EPHA5: variants seen among roughly 807,000 people sequenced by gnomAD.
The protein encoded by EPHA5 is ephrin type-A receptor 5.
EPHA5 carries 60 observed loss-of-function variants against 105.0 expected under a neutral mutation model. The observed-to-expected ratio is 0.57, with a 90% CI of 0.46 to 0.71. The LOEUF is 0.71. Ranked by LOEUF, EPHA5 falls within the 30% of genes least tolerant of loss-of-function variation. EPHA5 has a pLI of 0.00. For synonymous variants in EPHA5, 513 were observed against 449.1 expected, an observed-to-expected ratio of 1.14 and a Z score of -1.80; for missense variants, 1,218 against 1,274.7, an observed-to-expected ratio of 0.96 and a Z score of 0.68.
At chr4:65,491,778 C>T (rs1731425934) in intron 4 of EPHA5, among the ~76,000 whole-genome samples, 1 of 151,824 alleles carries the variant, frequency 6.6e-6, no homozygotes, top group Admixed American at 6.6e-5. Flanking sequence ...TTAAGGGTAA[C>T]CATATCTTAT....
chr4:65,380,175 G>A (rs1011944304), intron 8 of EPHA5, among the ~76,000 whole-genome samples: 4 of 151,740 alleles, frequency 2.6e-5, no homozygotes, highest in Admixed American at 1.3e-4. Context: ...TCAGTGTTTA[G>A]TACCTAGAAC....
chr4:65,327,080 T>C (rs1402701744), intron 16 of EPHA5, among the ~76,000 whole-genome samples: 7 of 151,198 alleles, frequency 4.6e-5, no homozygotes, highest in Non-Finnish European at 1.0e-4. Context: ...CTTCTAGATA[T>C]GACTTGAGAA....
Position 65,414,802 on chromosome 4 carries a change from C to T in EPHA5, c.1528-359G>A, listed in dbSNP as rs564884650. 2.6e-5 allele frequency among the ~76,000 whole-genome samples: 4 copies of T among 152,128 alleles called. No individual in the cohort carries two copies. In the East Asian group the frequency reaches 7.7e-4, roughly 29 times the overall value. On this transcript the variant is annotated intron_variant, in intron 6 of 16. Coordinates refer to ENST00000613740, the MANE Select transcript of EPHA5 (RefSeq NM_001281766.3). The stretch of plus-strand genomic sequence containing the variant: ...TTTTTTTCCCTCCAATATAGTTAAT[C>T]GGAGCATGTCTAACATACTGCCTAT...
intron 8 of EPHA5, among the ~76,000 whole-genome samples, chr4:65,397,803 G>A (rs1377398537): frequency 6.6e-6 from 1 of 152,058 alleles, no homozygotes; most frequent in Non-Finnish European, 1.5e-5. Flanking sequence ...AGATCTGACT[G>A]CTGTTTTCCC....
At chr4:65,463,357 G>C (rs546184814) in intron 5 of EPHA5, among the ~76,000 whole-genome samples, 5 of 152,134 alleles carry the variant, frequency 3.3e-5, no homozygotes, top group Non-Finnish European at 5.9e-5. Flanking sequence ...TATGATATCA[G>C]TGAAGTAAAT....
intron 3 of EPHA5, among the ~76,000 whole-genome samples, chr4:65,550,242 C>A (rs980476562): frequency 2.0e-5 from 3 of 151,942 alleles, no homozygotes; most frequent in African/African-American, 7.2e-5. Context: ...GCTACTAATT[C>A]TTTAAAACTG....
At chr4:65,552,701 A>T (rs1738035322) in intron 3 of EPHA5, among the ~76,000 whole-genome samples, 2 of 152,146 alleles carry the variant, frequency 1.3e-5, no homozygotes, top group Admixed American at 1.3e-4. Context: ...ATTATTTAAG[A>T]TTCTTTAAAA....
At chr4:65,408,945 T>A (rs1722641178) in intron 7 of EPHA5, among the ~76,000 whole-genome samples, 1 of 151,678 alleles carries the variant, frequency 6.6e-6, no homozygotes. Flanking sequence ...AACCCAAATG[T>A]CCAACAATGA....
At chr4:65,654,992 G>T (rs1748933229) in intron 1 of EPHA5, among the ~76,000 whole-genome samples, 1 of 149,754 alleles carries the variant, frequency 6.7e-6, no homozygotes, top group Non-Finnish European at 1.5e-5. Context: ...TCAAATCAGT[G>T]GTTATGTCAT....
chr4:65,334,585 C>G (rs1184807734), intron 15 of EPHA5, among the ~76,000 whole-genome samples: 1 of 151,850 alleles, frequency 6.6e-6, no homozygotes, highest in Non-Finnish European at 1.5e-5. Context: ...GACAATGGAC[C>G]AGGAACTAAC....
rs1455722747 is a variant in EPHA5 at position 65,601,981 on chromosome 4, G to A, written c.570C>T (p.Asp190=). 1 of 1,614,100 alleles carries A rather than the reference G, an allele frequency of 6.2e-7. No individual in the cohort carries two copies. Among genetic ancestry groups the A allele is most frequent in the South Asian group, 1.1e-5 (1 of 91,080 alleles). ...DESFTELDLG[D]RVMKLNTEVR... Reference sequence around the variant, plus strand: ...CCTCTGTATTCAGTTTCATAACACGGTCACCAAGATCAAGTTCTGTAAAGC... The same window carrying A: ...CCTCTGTATTCAGTTTCATAACACGATCACCAAGATCAAGTTCTGTAAAGC... Residue 190 remains aspartate (D), a synonymous_variant, in exon 3 of 17, where the codon GAC becomes GAT. Transcript: ENST00000613740.
At chr4:65,660,156 AT>A (rs1434194579) in intron 1 of EPHA5, among the ~76,000 whole-genome samples, 6 of 152,094 alleles carry the variant, frequency 3.9e-5, no homozygotes, top group African/African-American at 1.4e-4. Context: ...ATTTCTTGAT[AT>A]GATTTGTGGC....
Position 65,601,919 on chromosome 4 carries a change from T to C in EPHA5, c.632A>G (p.Tyr211Cys). ...AGCACCAACATCTTGAAAAGCAAGA[T>C]AAAATCCCTTTTTGCTTAGAGGTCC... The part of the protein sequence containing the change: ...DVGPLSKKGF[Y>C]LAFQDVGACI... The change falls in exon 3 of 17, where the codon TAT becomes TGT. Residue 211 changes from tyrosine (Y) to cysteine (C), a missense_variant. Tyr to Cys is a radical substitution (Grantham distance 194). Transcript: ENST00000613740. 1 of 1,614,078 alleles carries C rather than the reference T, an allele frequency of 6.2e-7. No individual in the cohort carries two copies.
chr4:65,543,471 C>A (rs1737048745), intron 3 of EPHA5, among the ~76,000 whole-genome samples: 1 of 151,954 alleles, frequency 6.6e-6, no homozygotes, highest in Non-Finnish European at 1.5e-5. Context: ...CTCCCATTAA[C>A]AATTGCTATA....
chr4:65,660,714 C>A (rs1363303807), intron 1 of EPHA5, among the ~76,000 whole-genome samples: 1 of 152,068 alleles, frequency 6.6e-6, no homozygotes, highest in Non-Finnish European at 1.5e-5. Context: ...GGTTCCTGGT[C>A]TCTACATCTC....
rs141045956 is a variant in EPHA5, at chr4:65,566,230, T to C, written c.910+35411A>G. Among the ~76,000 whole-genome samples, 597 of 151,880 alleles carry C rather than the reference T, an allele frequency of 3.9e-3. 5 individuals are homozygous for C. Among genetic ancestry groups the C allele is most frequent in the African/African-American group, 0.014 (569 of 41,522 alleles). ...ATTCATGCAACAAAGATGTTCAGTG[T>C]ACATGTCACAATATAATAACAGTCT... is the stretch of plus-strand genomic sequence containing the variant. On this transcript the variant is annotated intron_variant, in intron 3 of 16. Transcript: ENST00000613740.
intron 12 of EPHA5, among the ~76,000 whole-genome samples, chr4:65,352,786 C>T (rs1053202141): frequency 1.2e-5 from 1 of 81,854 alleles, no homozygotes; most frequent in South Asian, 1.2e-3. Flanking sequence ...TACTTCTCTG[C>T]ATTTTTTTTT....
At chr4:65,519,835 T>C (rs576826013) in intron 3 of EPHA5, among the ~76,000 whole-genome samples, 19 of 152,192 alleles carry the variant, frequency 1.2e-4, no homozygotes, top group Non-Finnish European at 2.4e-4. Context: ...GTGAAGGACC[T>C]CTTCAAGGAG....
At chr4:65,447,709 G>A (rs1247029379) in intron 5 of EPHA5, among the ~76,000 whole-genome samples, 4 of 151,814 alleles carry the variant, frequency 2.6e-5, no homozygotes, top group African/African-American at 7.3e-5. Context: ...ATTTACTTGT[G>A]AAAAGTGCAT....
Sources: allele counts gnomAD v4.1 joint callset (sites outside exome capture counted in the v4.1 genomes callset), GRCh38; gene constraint gnomAD v4.1.1; transcripts MANE v1.5; gene names NCBI Gene and HGNC (gene_info 2026-07-23, HGNC 2026-07-21).